The following SLC16A10 variants were observed in gnomAD, a reference collection of about 807,000 sequenced individuals.
SLC16A10 encodes the protein monocarboxylate transporter 10.
Under a neutral mutation model 40.0 loss-of-function variants are expected in SLC16A10, and 27 were observed. That is an observed-to-expected ratio of 0.67 (90% CI 0.50 to 0.93). The LOEUF (loss-of-function observed/expected upper bound fraction) is 0.93. Ranked by LOEUF, SLC16A10 falls within the 40% of genes least tolerant of loss-of-function variation. The probability of loss-of-function intolerance (pLI) is 0.00; values close to 1 mark genes in which losing one functional copy is unlikely to be tolerated. For missense variants in SLC16A10, 529 were observed against 658.2 expected, an observed-to-expected ratio of 0.80 and a Z score of 2.15; for synonymous variants, 213 against 249.8, an observed-to-expected ratio of 0.85 and a Z score of 1.39.
chr6:111,177,270 G>A lies in SLC16A10; in HGVS notation c.547G>A (p.Ala183Thr), dbSNP rs574367554. 3.1e-6 allele frequency: 5 copies of A among 1,602,562 alleles called. No homozygotes were observed. The African/African-American group carries it at 6.7e-5, about 22-fold the overall frequency. The part of the protein sequence containing the change: ...GIIFACGCSF[A>T]YQPSLVILGH... ...CATATTTGCCTGCGGCTGCTCCTTT[G>A]CATACCAGCCTTCATTGGTCATTTT... The change falls in exon 3 of 6, where the codon GCA becomes ACA. Residue 183 changes from alanine (A) to threonine (T), a missense_variant. Physicochemically the swap from Ala to Thr is moderately conservative, Grantham distance 58. Coordinates refer to ENST00000368851, the MANE Select transcript of SLC16A10 (RefSeq NM_018593.5).
At chr6:111,185,819 A>G (rs1391160887) in intron 3 of SLC16A10, among the ~76,000 whole-genome samples, 1 of 152,166 alleles carries the variant, frequency 6.6e-6, no homozygotes, top group Non-Finnish European at 1.5e-5. Flanking sequence ...CCACTGGTGG[A>G]TCATTAGTCT....
intron 1 of SLC16A10, among the ~76,000 whole-genome samples, chr6:111,139,326 A>G (rs1771939306): frequency 6.6e-6 from 1 of 151,470 alleles, no homozygotes; most frequent in African/African-American, 2.4e-5. Context: ...TTTTTGAGAC[A>G]GCATCTCGCT....
At position 111,226,804 on chromosome 6, in the gene SLC16A10, G is replaced by A. The variant is rs1163359660; in HGVS notation, c.*4569G>A. The A allele has an allele frequency of 2.0e-5, 3 of 152,208 alleles. No individual in the cohort carries two copies. Among genetic ancestry groups the A allele is most frequent in the Non-Finnish European group, 2.9e-5 (2 of 68,036 alleles). The allele number at this position is 152,208 out of a possible 1,614,324, so 9.4% of individuals were successfully genotyped here. A position where few individuals can be genotyped will look rare whatever the true frequency, so the allele number is the denominator to read the frequency against. ...TGGTAATGTGGAATAAGAATACATC[G>A]TAGAAGGAAGACTTGCTACTTTACT... On this transcript the variant is annotated 3_prime_UTR_variant, in exon 6 of 6. Coordinates refer to ENST00000368851, the MANE Select transcript of SLC16A10 (RefSeq NM_018593.5).
intron 5 of SLC16A10, 95 bp from the exon 6 acceptor site, chr6:111,221,908 G>T: frequency 7.4e-6 from 8 of 1,082,532 alleles, no homozygotes; most frequent in Admixed American, 3.3e-5. Flanking sequence ...AAAAAAGTCT[G>T]ATGTCTGAGA....
At chr6:111,105,245 T>C (rs532703140) in intron 1 of SLC16A10, among the ~76,000 whole-genome samples, 21 of 152,274 alleles carry the variant, frequency 1.4e-4, no homozygotes, top group African/African-American at 5.1e-4. Flanking sequence ...TGAAAACCTG[T>C]TCAACAAGCA....
intron 3 of SLC16A10, among the ~76,000 whole-genome samples, chr6:111,194,292 G>A (rs147915205): frequency 1.3e-5 from 2 of 152,316 alleles, no homozygotes; most frequent in East Asian, 3.9e-4. Context: ...CTTGCAGGGA[G>A]AAGAGTTAGT....
At position 111,155,197 on chromosome 6, in the gene SLC16A10, CTT is replaced by C. The variant is rs33948560; in HGVS notation, c.344-17482_344-17481del. 2.9e-3 allele frequency among the ~76,000 whole-genome samples: 342 copies of C among 119,146 alleles called. 1 individual carries two copies. Among genetic ancestry groups the C allele is most frequent in the Middle Eastern group, 4.1e-3 (1 of 244 alleles). The allele number at this position is 119,146 out of a possible 152,430, so 78.2% of individuals were successfully genotyped here. On this transcript the variant is annotated intron_variant, in intron 1 of 5. Coordinates refer to ENST00000368851, the MANE Select transcript of SLC16A10 (RefSeq NM_018593.5). ...TTAAATATCACTGCTTTCAACAGGA[CTT>C]TTTTTTTTTTTTTTTGAAACAGGAT... is the stretch of plus-strand genomic sequence containing the variant.
chr6:111,136,612 A>G (rs567703317), intron 1 of SLC16A10, among the ~76,000 whole-genome samples: 79 of 152,386 alleles, frequency 5.2e-4, no homozygotes, highest in African/African-American at 1.8e-3. Context: ...AAGAAAAGAT[A>G]GAACAGAACT....
chr6:111,207,814 G>A (rs530595798), intron 4 of SLC16A10, among the ~76,000 whole-genome samples: 1 of 152,262 alleles, frequency 6.6e-6, no homozygotes, highest in East Asian at 1.9e-4. Context: ...TGTTTGAATG[G>A]AATAAAGGGA....
intron 1 of SLC16A10, among the ~76,000 whole-genome samples, chr6:111,110,139 A>C (rs1324322509): frequency 6.6e-6 from 1 of 152,182 alleles, no homozygotes; most frequent in African/African-American, 2.4e-5. Context: ...AAGAGGGTCC[A>C]TTGAAATGAG....
intron 3 of SLC16A10, chr6:111,178,536 C>A: frequency 2.4e-6 from 1 of 417,318 alleles, no homozygotes; most frequent in Non-Finnish European, 4.7e-6. Flanking sequence ...CATAAGGAGA[C>A]TTCATCCCTA....
chr6:111,146,752 A>G (rs954780525), intron 1 of SLC16A10, among the ~76,000 whole-genome samples: 1 of 152,072 alleles, frequency 6.6e-6, no homozygotes, highest in African/African-American at 2.4e-5. Flanking sequence ...AAAAAAAGAT[A>G]TATACACAGA....
intron 1 of SLC16A10, among the ~76,000 whole-genome samples, chr6:111,131,819 G>C (rs539887629): frequency 3.7e-4 from 57 of 152,342 alleles, no homozygotes; most frequent in Non-Finnish European, 7.9e-4. Context: ...GCAGCCAGAA[G>C]TCTCTACTCA....
chr6:111,216,088 A>G (rs1449888238), intron 4 of SLC16A10, among the ~76,000 whole-genome samples: 1 of 152,170 alleles, frequency 6.6e-6, no homozygotes, highest in Non-Finnish European at 1.5e-5. Context: ...CCTTTTCTAC[A>G]TTTTGATTTA....
At chr6:111,165,840 C>T (rs1393893327) in intron 1 of SLC16A10, among the ~76,000 whole-genome samples, 32 of 152,202 alleles carry the variant, frequency 2.1e-4, no homozygotes, top group Admixed American at 1.8e-3. Flanking sequence ...GTACTCATTC[C>T]CTAAGCCAGG....
At chr6:111,215,118 CAAAAAAATA>C (rs1237296074) in intron 4 of SLC16A10, among the ~76,000 whole-genome samples, 6 of 149,240 alleles carry the variant, frequency 4.0e-5, no homozygotes, top group Non-Finnish European at 8.9e-5. Flanking sequence ...GACTCCATCT[CAAAAAAATA>C]AAAAAAATAA....
At chr6:111,150,419 C>G (rs1179373574) in intron 1 of SLC16A10, among the ~76,000 whole-genome samples, 3 of 152,180 alleles carry the variant, frequency 2.0e-5, no homozygotes, top group African/African-American at 7.2e-5. Flanking sequence ...TATGAAGCAT[C>G]TAGACTGTCT....
intron 4 of SLC16A10, among the ~76,000 whole-genome samples, chr6:111,213,421 C>T (rs540617950): frequency 8.8e-4 from 134 of 152,310 alleles, no homozygotes; most frequent in African/African-American, 3.1e-3. Context: ...ATATTAATGA[C>T]TTTCCTATCC....
Position 111,088,028 on chromosome 6 carries a change from G to T in SLC16A10, c.276G>T (p.Gly92=). The change falls in exon 1 of 6, where the codon GGG becomes GGT. Residue 92 remains glycine, a synonymous_variant. Transcript: ENST00000368851. ...GSVFGIQNAC[G]VLFVSMLETF... is the part of the protein sequence containing the mutation. ...TGTTCGGCATCCAGAACGCTTGCGG[G>T]GTGCTCTTCGTGTCCATGCTGGAAA... The T allele has an allele frequency of 6.2e-7, 1 of 1,609,360 alleles. No homozygotes were observed.
Sources: gnomAD v4.1 joint callset for allele counts (sites outside exome capture counted in the v4.1 genomes callset) on GRCh38, gnomAD v4.1.1 for gene constraint, MANE v1.5 for transcripts, NCBI Gene and HGNC (gene_info 2026-07-23, HGNC 2026-07-21) for gene names.